ANO3: variants seen among roughly 807,000 people sequenced by gnomAD.
ANO3 encodes anoctamin-3.
A neutral mutation model predicts 144.8 loss-of-function variants in ANO3; 99 were observed. The observed-to-expected ratio is 0.68, with a 90% CI of 0.58 to 0.81. The LOEUF is 0.81. ANO3 is among the 30% of genes least tolerant of loss of function. ANO3 has a pLI of 0.00. For synonymous variants in ANO3, 414 were observed against 392.6 expected, an observed-to-expected ratio of 1.05 and a Z score of -0.64; for missense variants, 905 against 1,202.2, an observed-to-expected ratio of 0.75 and a Z score of 3.66.
intron 3 of ANO3, among the ~76,000 whole-genome samples, chr11:26,453,213 A>T (rs1411439375): frequency 6.6e-6 from 1 of 152,240 alleles, no homozygotes; most frequent in Non-Finnish European, 1.5e-5. Flanking sequence ...TGACAGGATC[A>T]AATTCACACA....
At chr11:26,348,816 G>A (rs1034105114) in intron 1 of ANO3, among the ~76,000 whole-genome samples, 1 of 152,228 alleles carries the variant, frequency 6.6e-6, no homozygotes, top group Non-Finnish European at 1.5e-5. Flanking sequence ...TGGTGAAACT[G>A]TTGGGGAAAC....
intron 12 of ANO3, among the ~76,000 whole-genome samples, chr11:26,550,701 T>G (rs1221435604): frequency 6.6e-6 from 1 of 152,046 alleles, no homozygotes; most frequent in Non-Finnish European, 1.5e-5. Flanking sequence ...TTCCAAATAT[T>G]GGATATTTTT....
intron 1 of ANO3, among the ~76,000 whole-genome samples, chr11:26,397,859 T>TGAA (rs959672291): frequency 8.4e-6 from 1 of 119,290 alleles, no homozygotes; most frequent in African/African-American, 3.0e-5. Context: ...TGAGAAGAGA[T>TGAA]GAAGACACAG....
chr11:26,277,839 A>C (rs916992258), intron 1 of ANO3, among the ~76,000 whole-genome samples: 5 of 152,062 alleles, frequency 3.3e-5, no homozygotes, highest in African/African-American at 1.2e-4. Context: ...ATCTTCTTAA[A>C]GTGTGTTAGT....
Position 26,441,955 on chromosome 11 carries a change from T to G in ANO3, c.84T>G (p.Thr28=). The stretch of plus-strand genomic sequence containing the variant: ...GCAAGAGTGAGATAACAAAAGAAAC[T>G]TCGTTAAAACCGTCTCGGAGATCCC... The part of the protein sequence containing the change: ...NISKSEITKE[T]SLKPSRRSLP... Residue 28 remains threonine, a synonymous_variant, in exon 2 of 27, where the codon ACT becomes ACG. Transcript: ENST00000256737. 6.2e-7 allele frequency: 1 copy of G among 1,613,768 alleles called. No individual in the cohort carries two copies. The highest frequency in any genetic ancestry group is 8.5e-7 in the Non-Finnish European group (1 of 1,179,918).
At chr11:26,455,768 C>G (rs1367267240) in intron 3 of ANO3, among the ~76,000 whole-genome samples, 1 of 150,672 alleles carries the variant, frequency 6.6e-6, no homozygotes, top group African/African-American at 2.4e-5. Context: ...ATCGCCAAGT[C>G]AATCCTAAGC....
At position 26,453,727 on chromosome 11, in the gene ANO3, G is replaced by A. The variant is rs563327815; in HGVS notation, c.314-9303G>A. Among the ~76,000 whole-genome samples the A allele has an allele frequency of 9.9e-5, 15 of 152,192 alleles. No individual in the cohort carries two copies. In the South Asian group the frequency reaches 3.1e-3, roughly 32 times the overall value. On this transcript the variant is annotated intron_variant, in intron 3 of 26. Coordinates refer to ENST00000256737, the MANE Select transcript of ANO3 (RefSeq NM_031418.4). ...ATTGAACTCACCTCTGCACCAAGCA[G>A]ACCTAATAGACATCTACAGAACTCT...
At chr11:26,360,175 AC>A (rs1326519158) in intron 1 of ANO3, among the ~76,000 whole-genome samples, 2 of 51,966 alleles carry the variant, frequency 3.8e-5, no homozygotes, top group Non-Finnish European at 6.7e-5. Context: ...GCTTCCCCCA[AC>A]CCCCCCGCCC....
At chr11:26,334,086 G>C (rs1855132470) in intron 1 of ANO3, among the ~76,000 whole-genome samples, 1 of 152,186 alleles carries the variant, frequency 6.6e-6, no homozygotes, top group South Asian at 2.1e-4. Flanking sequence ...AGGTCCGACC[G>C]TCATTGCTCA....
At chr11:26,247,966 C>A (rs188131957) in intron 1 of ANO3, among the ~76,000 whole-genome samples, 3 of 151,540 alleles carry the variant, frequency 2.0e-5, no homozygotes, top group Non-Finnish European at 2.9e-5. Context: ...CTCTTGACCT[C>A]GTGATCCGCC....
At chr11:26,502,380 T>C (rs540425597) in intron 4 of ANO3, among the ~76,000 whole-genome samples, 7 of 152,286 alleles carry the variant, frequency 4.6e-5, no homozygotes, top group Non-Finnish European at 8.8e-5. Flanking sequence ...CTGTAGAATT[T>C]AGGCTAAGTA....
At chr11:26,610,400 T>A (rs1309163206) in intron 17 of ANO3, among the ~76,000 whole-genome samples, 4 of 151,736 alleles carry the variant, frequency 2.6e-5, no homozygotes, top group Non-Finnish European at 4.4e-5. Flanking sequence ...CTAATCAGGT[T>A]ATTTGTTTTT....
intron 1 of ANO3, among the ~76,000 whole-genome samples, chr11:26,201,856 C>T (rs1851700229): frequency 6.7e-6 from 1 of 149,480 alleles, no homozygotes; most frequent in African/African-American, 2.5e-5. Flanking sequence ...GTAAGATTTT[C>T]AATTTTTATT....
At chr11:26,386,157 G>T (rs1173975555) in intron 1 of ANO3, among the ~76,000 whole-genome samples, 1 of 152,030 alleles carries the variant, frequency 6.6e-6, no homozygotes, top group Admixed American at 6.6e-5. Flanking sequence ...CAGAGAATGT[G>T]GTGACATATA....
chr11:26,573,162 C>G (rs990140375), intron 14 of ANO3, among the ~76,000 whole-genome samples: 1 of 152,030 alleles, frequency 6.6e-6, no homozygotes, highest in African/African-American at 2.4e-5. Context: ...GAGCGAGAAA[C>G]GAAACTTTAG....
At chr11:26,230,289 G>T (rs988781307) in intron 1 of ANO3, among the ~76,000 whole-genome samples, 4 of 152,052 alleles carry the variant, frequency 2.6e-5, no homozygotes, top group African/African-American at 9.7e-5. Flanking sequence ...AAGGACTAGG[G>T]GTAAAGGAAC....
intron 5 of ANO3, 27 bp from the exon 6 acceptor site, chr11:26,516,800 T>A: frequency 6.7e-7 from 1 of 1,485,254 alleles, no homozygotes; most frequent in South Asian, 1.2e-5. Flanking sequence ...TTCTAAATAA[T>A]GTTGCCTATC....
At chr11:26,447,295 T>C (rs1858739464) in intron 3 of ANO3, among the ~76,000 whole-genome samples, 1 of 151,952 alleles carries the variant, frequency 6.6e-6, no homozygotes, top group Non-Finnish European at 1.5e-5. Flanking sequence ...ACTGGACTCC[T>C]TATTATTATA....
chr11:26,230,285 TA>T (rs1032693923), intron 1 of ANO3, among the ~76,000 whole-genome samples: 3 of 152,064 alleles, frequency 2.0e-5, no homozygotes, highest in African/African-American at 7.2e-5. Context: ...TATGAAGGAC[TA>T]GGGGTAAAGG....
Sources: allele counts gnomAD v4.1 joint callset (sites outside exome capture counted in the v4.1 genomes callset), GRCh38; gene constraint gnomAD v4.1.1; transcripts MANE v1.5; gene names NCBI Gene and HGNC (gene_info 2026-07-23, HGNC 2026-07-21).